Variants in RIMS1 observed in about 807,000 individuals in gnomAD.
The protein encoded by RIMS1 is regulating synaptic membrane exocytosis 1.
In RIMS1, 83 loss-of-function variants were observed where a neutral mutation model predicts 214.1. That is an observed-to-expected ratio of 0.39 (90% CI 0.32 to 0.47). RIMS1 has a LOEUF of 0.47. Ranked by LOEUF, RIMS1 falls within the 20% of genes least tolerant of loss-of-function variation. RIMS1 has a pLI of 0.99. For missense variants in RIMS1, 2,050 were observed against 2,161.8 expected, an observed-to-expected ratio of 0.95 and a Z score of 1.03; for synonymous variants, 793 against 786.8, an observed-to-expected ratio of 1.01 and a Z score of -0.13.
intron 2 of RIMS1, among the ~76,000 whole-genome samples, chr6:71,981,327 A>G (rs1798426580): frequency 6.6e-6 from 1 of 152,100 alleles, no homozygotes; most frequent in African/African-American, 2.4e-5. Flanking sequence ...ATGTTCATTT[A>G]CCCACTAATA....
intron 29 of RIMS1, among the ~76,000 whole-genome samples, chr6:72,340,560 G>A (rs2097034103): frequency 6.6e-6 from 1 of 151,954 alleles, no homozygotes; most frequent in Non-Finnish European, 1.5e-5. Flanking sequence ...CCCATTTCTT[G>A]TTTTTGTCAG....
At chr6:72,048,183 C>A (rs184197955) in intron 2 of RIMS1, among the ~76,000 whole-genome samples, 64 of 152,248 alleles carry the variant, frequency 4.2e-4, no homozygotes, top group Admixed American at 2.7e-3. Context: ...CTTCATGTGG[C>A]AAATATAACA....
chr6:71,929,345 A>G (rs922463993), intron 1 of RIMS1, among the ~76,000 whole-genome samples: 2 of 152,174 alleles, frequency 1.3e-5, no homozygotes, highest in Non-Finnish European at 2.9e-5. Context: ...AGGTGACAGC[A>G]TGGGAGCAGA....
chr6:72,221,039 A>G (rs1054918000), intron 6 of RIMS1, among the ~76,000 whole-genome samples: 3 of 152,104 alleles, frequency 2.0e-5, no homozygotes, highest in African/African-American at 7.2e-5. Flanking sequence ...TTGGTAAGAA[A>G]CATGTGGTTT....
chr6:72,151,226 T>C (rs2043529570), intron 4 of RIMS1, among the ~76,000 whole-genome samples: 1 of 152,052 alleles, frequency 6.6e-6, no homozygotes, highest in African/African-American at 2.4e-5. Flanking sequence ...GTATTTTTAG[T>C]AGAGACGGGG....
chr6:71,944,367 G>A (rs994460076), intron 1 of RIMS1, among the ~76,000 whole-genome samples: 6 of 152,300 alleles, frequency 3.9e-5, no homozygotes, highest in African/African-American at 1.4e-4. Flanking sequence ...TTTCTCTTGA[G>A]GTTGTAGCCT....
intron 3 of RIMS1, 150 bp downstream of exon 3, chr6:72,097,312 A>T: frequency 1.5e-6 from 1 of 678,658 alleles, no homozygotes; most frequent in South Asian, 1.9e-5. Context: ...CATGTCCTTA[A>T]TAAGGTAGTG....
At chr6:72,043,755 C>T (rs1172604577) in intron 2 of RIMS1, among the ~76,000 whole-genome samples, 1 of 151,378 alleles carries the variant, frequency 6.6e-6, no homozygotes, top group Non-Finnish European at 1.5e-5. Context: ...TAATTCTACT[C>T]ATAGCTTAAA....
intron 5 of RIMS1, among the ~76,000 whole-genome samples, chr6:72,181,948 T>C (rs757886219): frequency 3.9e-5 from 6 of 152,210 alleles, no homozygotes; most frequent in Non-Finnish European, 7.3e-5. Flanking sequence ...AATCCTCACA[T>C]GAACCTTGCA....
intron 23 of RIMS1, among the ~76,000 whole-genome samples, chr6:72,277,944 A>C (rs909095965): frequency 2.0e-5 from 3 of 152,172 alleles, no homozygotes; most frequent in Non-Finnish European, 4.4e-5. Context: ...TTCTGAGTTT[A>C]GTGCTTACAG....
intron 2 of RIMS1, among the ~76,000 whole-genome samples, chr6:72,008,010 A>G (rs1404783491): frequency 6.6e-6 from 1 of 152,178 alleles, no homozygotes; most frequent in African/African-American, 2.4e-5. Flanking sequence ...CAACTCCAAG[A>G]CACATAATTG....
chr6:72,220,950 G>T lies in RIMS1; in HGVS notation c.1679-12823G>T, dbSNP rs140615477. 3.2e-4 allele frequency among the ~76,000 whole-genome samples: 48 copies of T among 152,132 alleles called. No homozygotes were observed. In the East Asian group the frequency reaches 9.3e-3, roughly 29 times the overall value. ...ACTGTAATCAGAGCTATTCAATTAA[G>T]ACATAAAAGTGATGGAAAAATTAAG... On this transcript the variant is annotated intron_variant, in intron 6 of 33. Transcript: ENST00000521978.
At position 72,179,857 on chromosome 6, in the gene RIMS1, T is replaced by C; in HGVS notation, c.754T>C (p.Leu252=). The C allele has an allele frequency of 6.2e-7, 1 of 1,602,392 alleles. No homozygotes were observed. Among genetic ancestry groups the C allele is most frequent in the Non-Finnish European group, 8.5e-7 (1 of 1,173,778 alleles). Residue 252 remains leucine (L), a synonymous_variant, in exon 5 of 34, where the codon TTG becomes CTG. Transcript: ENST00000521978. ...SKGAEPSQQA[L]GPEQKQASSR... is the part of the protein sequence containing the mutation. ...AGGGGCTGAGCCCTCGCAGCAAGCC[T>C]TGGGGCCTGAACAGAAGCAGGCTTC... is the stretch of plus-strand genomic sequence containing the variant.
chr6:72,063,019 A>G (rs890403630), intron 2 of RIMS1, among the ~76,000 whole-genome samples: 1 of 151,992 alleles, frequency 6.6e-6, no homozygotes, highest in Admixed American at 6.6e-5. Flanking sequence ...TGGGATTAGG[A>G]CTCTAGGACT....
At chr6:72,374,771 T>C (rs766620538) in intron 29 of RIMS1, among the ~76,000 whole-genome samples, 2 of 152,232 alleles carry the variant, frequency 1.3e-5, no homozygotes, top group Non-Finnish European at 2.9e-5. Flanking sequence ...CCTTTATTTC[T>C]ATTATTATTA....
At chr6:71,934,127 G>A (rs1352409282) in intron 1 of RIMS1, among the ~76,000 whole-genome samples, 3 of 152,178 alleles carry the variant, frequency 2.0e-5, no homozygotes, top group Admixed American at 6.5e-5. Context: ...GAGCATCAGT[G>A]TGTGCTTAGT....
At position 72,270,122 on chromosome 6, in the gene RIMS1, T is replaced by A. The variant is rs141268760; in HGVS notation, c.3398+4073T>A. Among the ~76,000 whole-genome samples the A allele has an allele frequency of 3.5e-3, 538 of 152,278 alleles. 3 individuals are homozygous for A. The highest frequency in any genetic ancestry group is 0.012 in the African/African-American group (508 of 41,552). Reference sequence around the variant, plus strand: ...ATTCTTCCACGATATCACCATATAGTGGAAGAAACACACACACTAGCCTTA... The same window carrying A: ...ATTCTTCCACGATATCACCATATAGAGGAAGAAACACACACACTAGCCTTA... On this transcript the variant is annotated intron_variant, in intron 22 of 33. Coordinates refer to ENST00000521978, the MANE Select transcript of RIMS1 (RefSeq NM_014989.7).
intron 6 of RIMS1, among the ~76,000 whole-genome samples, chr6:72,183,474 ATTTG>A (rs779898023): frequency 1.9e-4 from 28 of 151,216 alleles, no homozygotes; most frequent in African/African-American, 4.1e-4. Flanking sequence ...GTGAAAAACA[ATTTG>A]TTTGCTAGAA....
chr6:72,007,283 C>G (rs1404849534), intron 2 of RIMS1, among the ~76,000 whole-genome samples: 1 of 152,176 alleles, frequency 6.6e-6, no homozygotes, highest in East Asian at 1.9e-4. Context: ...AGAAGGAAAA[C>G]TAAAAAACAG....
Sources: allele counts gnomAD v4.1 joint callset (sites outside exome capture counted in the v4.1 genomes callset), GRCh38; gene constraint gnomAD v4.1.1; transcripts MANE v1.5; gene names NCBI Gene and HGNC (gene_info 2026-07-23, HGNC 2026-07-21).